Variants in ARHGEF38 observed in about 807,000 individuals in gnomAD.
The protein encoded by ARHGEF38 is Rho guanine nucleotide exchange factor 38, also known as Rho guanine nucleotide exchange factor (GEF) 38.
In ARHGEF38, 79 loss-of-function variants were observed where a neutral mutation model predicts 79.9. The ratio of observed to expected loss-of-function variants is 0.99; its 90% CI spans 0.82 to 1.19. ARHGEF38 has a LOEUF of 1.19. ARHGEF38 is among the 50% of genes most tolerant of loss of function. ARHGEF38 has a pLI of 0.00. For missense variants in ARHGEF38, 962 were observed against 907.2 expected (o/e 1.06, Z -0.78); for synonymous variants, 366 against 328.3 (o/e 1.11, Z -1.24).
At chr4:105,587,329 C>G (rs1727101306) in intron 1 of ARHGEF38, among the ~76,000 whole-genome samples, 1 of 152,122 alleles carries the variant, frequency 6.6e-6, no homozygotes, top group African/African-American at 2.4e-5. Context: ...AACAAAAAAA[C>G]AAATTAGCAA....
Position 105,552,873 on chromosome 4 carries a change from T to A in ARHGEF38, c.108T>A (p.Thr36=). 2 of 1,613,940 alleles carry A rather than the reference T, an allele frequency of 1.2e-6. No individual in the cohort carries two copies. Among genetic ancestry groups the A allele is most frequent in the East Asian group, 2.2e-5 (1 of 44,858 alleles). The change falls in exon 1 of 14, where the codon ACT becomes ACA. Residue 36 remains threonine (T), a synonymous_variant. Transcript: ENST00000420470. The stretch of plus-strand genomic sequence containing the variant: ...TGCTGGAGAGAAGGAAGACTGACAC[T>A]GTGGTTGAGAGCAGTGTTTCTGGGG... The part of the protein sequence containing the change: ...LYMLERRKTD[T]VVESSVSGDH...
chr4:105,654,842 A>G lies in ARHGEF38; in HGVS notation c.1113+673A>G, dbSNP rs550986516. 2.6e-5 allele frequency among the ~76,000 whole-genome samples: 4 copies of G among 152,230 alleles called. No individual in the cohort carries two copies. The South Asian group carries it at 6.2e-4, about 24-fold the overall frequency. ...CTATGACCATGACACATAGAAAGTT[A>G]GTAGTGTTACATGTAAATCAGTTAC... is the stretch of plus-strand genomic sequence containing the variant. On this transcript the variant is annotated intron_variant, in intron 8 of 13. Transcript: ENST00000420470.
chr4:105,668,124 T>A (rs1472726186), intron 13 of ARHGEF38, among the ~76,000 whole-genome samples: 1 of 152,170 alleles, frequency 6.6e-6, no homozygotes, highest in Non-Finnish European at 1.5e-5. Context: ...AGCTATCTAG[T>A]AATTGGCCAG....
intron 2 of ARHGEF38, among the ~76,000 whole-genome samples, chr4:105,603,963 G>A (rs1727932170): frequency 6.6e-6 from 1 of 152,174 alleles, no homozygotes; most frequent in South Asian, 2.1e-4. Flanking sequence ...AATTCAGGCA[G>A]GAGGTGTTTG....
intron 1 of ARHGEF38, among the ~76,000 whole-genome samples, chr4:105,579,797 G>A (rs1726691941): frequency 6.6e-6 from 1 of 152,122 alleles, no homozygotes; most frequent in African/African-American, 2.4e-5. Flanking sequence ...AATAGCTTCG[G>A]TAGGAATAAT....
At chr4:105,598,205 C>G (rs1341438104) in intron 2 of ARHGEF38, among the ~76,000 whole-genome samples, 1 of 152,152 alleles carries the variant, frequency 6.6e-6, no homozygotes, top group Non-Finnish European at 1.5e-5. Context: ...AAAGCCAAGT[C>G]CCTTTCTCCA....
chr4:105,613,298 G>C, intron 2 of ARHGEF38, 86 bp from the exon 3 acceptor site: 2 of 1,430,518 alleles, frequency 1.4e-6, no homozygotes, highest in African/African-American at 1.4e-5. Context: ...AGCATGCGCT[G>C]GCATTTAAAA....
chr4:105,611,262 C>G (rs1478370725), intron 2 of ARHGEF38, among the ~76,000 whole-genome samples: 1 of 151,878 alleles, frequency 6.6e-6, no homozygotes, highest in Non-Finnish European at 1.5e-5. Context: ...AAATTAGGGG[C>G]TGAAATTTTA....
chr4:105,598,030 G>A (rs528170718), intron 2 of ARHGEF38, among the ~76,000 whole-genome samples: 1 of 150,608 alleles, frequency 6.6e-6, no homozygotes, highest in Admixed American at 6.6e-5. Context: ...TTAATATATT[G>A]TGTTTTCAGA....
At position 105,630,936 on chromosome 4, in the gene ARHGEF38, A is replaced by T. The variant is rs975793457; in HGVS notation, c.547A>T (p.Ile183Phe). Residue 183 changes from isoleucine (I) to phenylalanine (F), a missense_variant, in exon 4 of 14, where the codon ATT becomes TTT. Transcript: ENST00000420470. The part of the protein sequence containing the change: ...FLQIKGPLED[I>F]YKIYCYHHDE... The stretch of plus-strand genomic sequence containing the variant: ...GCAGATTAAAGGGCCACTGGAAGAT[A>T]TTTATAAAATCTACTGCTATCACCA... The T allele has an allele frequency of 8.7e-6, 14 of 1,612,222 alleles. No individual in the cohort carries two copies. Among genetic ancestry groups the T allele is most frequent in the Admixed American group, 3.4e-5 (2 of 59,648 alleles).
chr4:105,624,912 G>A (rs963583126), intron 3 of ARHGEF38, among the ~76,000 whole-genome samples: 2 of 152,196 alleles, frequency 1.3e-5, no homozygotes, highest in Non-Finnish European at 2.9e-5. Context: ...ACAGTCAGAG[G>A]CCTGTATTGT....
chr4:105,631,219 T>C, intron 4 of ARHGEF38, 174 bp downstream of exon 4: 2 of 1,235,982 alleles, frequency 1.6e-6, no homozygotes, highest in Non-Finnish European at 1.0e-6. Context: ...CCTGATTGAC[T>C]TTTTTTCCCC....
At position 105,677,809 on chromosome 4, in the gene ARHGEF38, G is replaced by A. The variant is rs1161789907; in HGVS notation, c.2206G>A (p.Glu736Lys). The A allele has an allele frequency of 1.3e-6, 2 of 1,533,160 alleles. No homozygotes were observed. Among genetic ancestry groups the A allele is most frequent in the Admixed American group, 2.0e-5 (1 of 50,932 alleles). 95.0% of individuals were successfully genotyped at this position (1,533,160 alleles called of 1,614,324 possible). A position where few individuals can be genotyped will look rare whatever the true frequency, so the allele number is the denominator to read the frequency against. The change falls in exon 14 of 14, where the codon GAA (glutamate) becomes AAA (lysine). Residue 736 changes from glutamate to lysine, a missense_variant. By Grantham distance (56) the Glu-to-Lys change is moderately conservative. Coordinates refer to ENST00000420470, the MANE Select transcript of ARHGEF38 (RefSeq NM_001242729.2). ...GAGTGACCATGAACTCAGCCTTCAG[G>A]AATACCAGAGAGTTCATATACTCAG... The part of the protein sequence containing the change: ...ARSDHELSLQ[E>K]YQRVHILRFC...
intron 1 of ARHGEF38, among the ~76,000 whole-genome samples, chr4:105,570,809 T>C (rs535772085): frequency 2.0e-5 from 3 of 152,180 alleles, no homozygotes; most frequent in African/African-American, 7.2e-5. Flanking sequence ...TCATCAGCCT[T>C]AAAAGGAAAG....
chr4:105,591,382 C>T (rs1727327620), intron 2 of ARHGEF38, among the ~76,000 whole-genome samples: 1 of 152,128 alleles, frequency 6.6e-6, no homozygotes, highest in Non-Finnish European at 1.5e-5. Flanking sequence ...GTGACTGCCA[C>T]CACACCCGGC....
chr4:105,609,907 C>T (rs1226699078), intron 2 of ARHGEF38, among the ~76,000 whole-genome samples: 2 of 152,032 alleles, frequency 1.3e-5, no homozygotes, highest in African/African-American at 2.4e-5. Context: ...CACATGCACA[C>T]GTATGTTTAC....
At chr4:105,602,212 A>C (rs1727854403) in intron 2 of ARHGEF38, among the ~76,000 whole-genome samples, 1 of 152,146 alleles carries the variant, frequency 6.6e-6, no homozygotes, top group Non-Finnish European at 1.5e-5. Flanking sequence ...GGTAAGTTTA[A>C]AAATGAGTTA....
intron 2 of ARHGEF38, among the ~76,000 whole-genome samples, chr4:105,601,346 C>T (rs1390191140): frequency 6.6e-6 from 1 of 152,160 alleles, no homozygotes. Flanking sequence ...AGACTTTACT[C>T]AGTAAATCCT....
chr4:105,664,674 TA>T (rs1730685426), intron 10 of ARHGEF38, among the ~76,000 whole-genome samples: 1 of 152,204 alleles, frequency 6.6e-6, no homozygotes, highest in African/African-American at 2.4e-5. Context: ...AATAACTATT[TA>T]CAAAAATGTG....
Sources: allele counts gnomAD v4.1 joint callset (sites outside exome capture counted in the v4.1 genomes callset), GRCh38; gene constraint gnomAD v4.1.1; transcripts MANE v1.5; gene names NCBI Gene and HGNC (gene_info 2026-07-23, HGNC 2026-07-21).